Variants in PDE4B observed in about 807,000 individuals in gnomAD.
PDE4B encodes the protein phosphodiesterase 4B.
A neutral mutation model predicts 82.2 loss-of-function variants in PDE4B; 20 were observed. The ratio of observed to expected loss-of-function variants is 0.24; its 90% confidence interval spans 0.17 to 0.35. The LOEUF (loss-of-function observed/expected upper bound fraction) is 0.35. PDE4B is among the 10% of genes least tolerant of loss of function. The pLI is 1.00. For synonymous variants in PDE4B, 320 were observed against 318.9 expected (o/e 1.00, Z -0.04); for missense variants, 655 against 907.2 (o/e 0.72, Z 3.57).
intron 3 of PDE4B, among the ~76,000 whole-genome samples, chr1:65,923,173 G>A (rs1300990860): frequency 6.6e-6 from 1 of 152,158 alleles, no homozygotes; most frequent in African/African-American, 2.4e-5. Flanking sequence ...TGCAGCCTAA[G>A]TCATCTTCCA....
chr1:66,213,445 A>T (rs1029934348), intron 3 of PDE4B, among the ~76,000 whole-genome samples: 1 of 152,154 alleles, frequency 6.6e-6, no homozygotes, highest in African/African-American at 2.4e-5. Context: ...TGATCCCTAG[A>T]TCTTTGCTAC....
intron 3 of PDE4B, among the ~76,000 whole-genome samples, chr1:66,106,672 C>T (rs1645365419): frequency 6.6e-6 from 1 of 151,814 alleles, no homozygotes; most frequent in South Asian, 2.1e-4. Flanking sequence ...CTTGGGAGGG[C>T]GTATGTGTTG....
At chr1:66,009,461 CTATTCAGAATCCTT>C (rs1557494379) in intron 3 of PDE4B, among the ~76,000 whole-genome samples, 1 of 152,166 alleles carries the variant, frequency 6.6e-6, no homozygotes, top group African/African-American at 2.4e-5. Context: ...TTTCATTCCT[CTATTCAGAATCCTT>C]TAACAACATC....
At chr1:65,844,282 A>G (rs1030386317) in intron 1 of PDE4B, among the ~76,000 whole-genome samples, 2 of 152,162 alleles carry the variant, frequency 1.3e-5, no homozygotes, top group Admixed American at 1.3e-4. Flanking sequence ...GAAAGAAAGT[A>G]TTTTCTATGA....
chr1:66,234,350 A>G (rs1178498334), intron 3 of PDE4B, among the ~76,000 whole-genome samples: 1 of 152,188 alleles, frequency 6.6e-6, no homozygotes, highest in African/African-American at 2.4e-5. Flanking sequence ...GTGCAATGGC[A>G]GGATGTTGGC....
intron 3 of PDE4B, among the ~76,000 whole-genome samples, chr1:66,206,372 G>A (rs1191695234): frequency 1.3e-5 from 2 of 152,052 alleles, no homozygotes; most frequent in African/African-American, 4.8e-5. Context: ...CTCTAGCGGG[G>A]GGATACAGCC....
At chr1:66,230,244 T>G (rs1651843440) in intron 3 of PDE4B, among the ~76,000 whole-genome samples, 1 of 152,142 alleles carries the variant, frequency 6.6e-6, no homozygotes, top group East Asian at 1.9e-4. Flanking sequence ...ACAAAGAACA[T>G]AAGCAGAAAT....
intron 3 of PDE4B, among the ~76,000 whole-genome samples, chr1:65,995,319 A>G (rs1277057547): frequency 1.3e-5 from 2 of 152,304 alleles, no homozygotes; most frequent in South Asian, 2.1e-4. Context: ...AACATTTTTC[A>G]AATTTATTTT....
chr1:65,888,534 T>C (rs994749967), intron 1 of PDE4B, among the ~76,000 whole-genome samples: 15 of 152,200 alleles, frequency 9.9e-5, no homozygotes, highest in Non-Finnish European at 1.9e-4. Context: ...CAAATTGCTT[T>C]GGACAGTATG....
At chr1:65,935,039 C>T (rs1294609860) in intron 3 of PDE4B, among the ~76,000 whole-genome samples, 1 of 152,122 alleles carries the variant, frequency 6.6e-6, no homozygotes, top group Non-Finnish European at 1.5e-5. Flanking sequence ...AAATATTCAT[C>T]TCATAGCTGC....
intron 3 of PDE4B, among the ~76,000 whole-genome samples, chr1:65,966,372 C>T (rs896207668): frequency 1.3e-5 from 2 of 152,098 alleles, no homozygotes; most frequent in African/African-American, 4.8e-5. Flanking sequence ...AGAAGAATTA[C>T]AAACCACTGC....
At chr1:66,119,836 AAG>A (rs1406200257) in intron 3 of PDE4B, among the ~76,000 whole-genome samples, 3 of 152,170 alleles carry the variant, frequency 2.0e-5, no homozygotes, top group African/African-American at 7.2e-5. Flanking sequence ...TCTTTTAAAA[AAG>A]AGAGAATTTG....
intron 7 of PDE4B, among the ~76,000 whole-genome samples, chr1:66,328,365 T>G (rs968741624): frequency 1.3e-5 from 2 of 152,216 alleles, no homozygotes; most frequent in Non-Finnish European, 2.9e-5. Flanking sequence ...CTACTCTTAC[T>G]GCCTCTGAGA....
intron 3 of PDE4B, among the ~76,000 whole-genome samples, chr1:66,004,045 A>G (rs553978282): frequency 3.9e-4 from 59 of 152,300 alleles, no homozygotes; most frequent in Middle Eastern, 3.4e-3. Flanking sequence ...TTTACCATAC[A>G]CTGTTTTTGG....
chr1:66,049,017 G>A (rs952201595), intron 3 of PDE4B: 4 of 151,872 alleles, frequency 2.6e-5, no homozygotes, highest in East Asian at 1.9e-4. Flanking sequence ...ATTGGCCCCC[G>A]GAACTTGGTG....
intron 3 of PDE4B, among the ~76,000 whole-genome samples, chr1:65,936,293 A>G (rs550179337): frequency 2.6e-5 from 4 of 152,144 alleles, no homozygotes; most frequent in Non-Finnish European, 5.9e-5. Context: ...TAATATACAT[A>G]AGGGTATATT....
intron 3 of PDE4B, among the ~76,000 whole-genome samples, chr1:65,950,178 CCA>C (rs1459293877): frequency 6.6e-6 from 1 of 152,006 alleles, no homozygotes; most frequent in African/African-American, 2.4e-5. Flanking sequence ...CCAACCAATT[CCA>C]CATTCTTATA....
intron 3 of PDE4B, among the ~76,000 whole-genome samples, chr1:66,140,334 G>C (rs1646146907): frequency 6.6e-6 from 1 of 152,086 alleles, no homozygotes; most frequent in South Asian, 2.1e-4. Context: ...AAGCCTCTTG[G>C]ATTTAAAGTA....
chr1:66,203,772 A>C (rs1169450868), intron 3 of PDE4B, among the ~76,000 whole-genome samples: 1 of 151,872 alleles, frequency 6.6e-6, no homozygotes, highest in Non-Finnish European at 1.5e-5. Context: ...AAAGTTTTTA[A>C]CTTCTTTGCC....
Sources: allele counts gnomAD v4.1 joint callset (sites outside exome capture counted in the v4.1 genomes callset), GRCh38; gene constraint gnomAD v4.1.1; transcripts MANE v1.5; gene names NCBI Gene and HGNC (gene_info 2026-07-23, HGNC 2026-07-21).